The following SMTN variants were observed in gnomAD, a reference collection of about 807,000 sequenced individuals.
The protein encoded by SMTN is smoothelin.
In SMTN, 58 loss-of-function variants were observed where a neutral mutation model predicts 102.0. That is an observed-to-expected ratio of 0.57 (90% confidence interval 0.46 to 0.71). The LOEUF is 0.71. Among genes scored for constraint, SMTN ranks in the 30% least tolerant of loss-of-function variants. The pLI, the probability that SMTN is intolerant of heterozygous loss-of-function variation, is 0.00. For missense variants in SMTN, 1,185 were observed against 1,241.7 expected (o/e 0.95, Z 0.69); for synonymous variants, 478 against 497.9 (o/e 0.96, Z 0.53).
intron 17 of SMTN, 39 bp downstream of exon 17, chr22:31,098,879 C>A: frequency 6.7e-7 from 1 of 1,497,424 alleles, no homozygotes; most frequent in South Asian, 1.2e-5. Context: ...GGGGGCGGGG[C>A]GTGATAGGCA....
intron 1 of SMTN, among the ~76,000 whole-genome samples, chr22:31,071,239 CAAAA>C (rs60870558): frequency 2.1e-4 from 24 of 115,538 alleles, no homozygotes; most frequent in Non-Finnish European, 2.3e-4. Context: ...CACCCTGTCT[CAAAA>C]AAAAAAAAAA....
At chr22:31,076,963 G>A (rs144194228), upstream of SMTN, among the ~76,000 whole-genome samples, 1,267 of 152,272 alleles carry the variant, frequency 8.3e-3, 8 homozygotes, top group Non-Finnish European at 0.012. Flanking sequence ...GACCCTTCTT[G>A]TTACAGTTTT....
chr22:31,083,375 G>C, intron 2 of SMTN, 66 bp downstream of exon 2: 1 of 1,467,434 alleles, frequency 6.8e-7, no homozygotes, highest in Non-Finnish European at 9.1e-7. Flanking sequence ...GTCAATCCAG[G>C]GTACCTCTCA....
rs1334467518 is a variant in SMTN at position 31,098,680 on chromosome 22, G to C, written c.2173G>C (p.Glu725Gln). ...SKKMGSIFDREDQASPRAGSL... is the reference protein window; with the variant it reads ...SKKMGSIFDRQDQASPRAGSL... ...CCCAACCCCTAGCATCTTCGACCGC[G>C]AGGACCAGGCCAGCCCACGGGCCGG... is the stretch of plus-strand genomic sequence containing the variant. Residue 725 changes from glutamate (E) to glutamine (Q), a missense_variant, in exon 17 of 21, where the codon GAG becomes CAG. Coordinates refer to ENST00000333137, the MANE Select transcript of SMTN (RefSeq NM_134269.3). 2 of 1,613,258 alleles carry C rather than the reference G, an allele frequency of 1.2e-6. No homozygotes were observed. Among genetic ancestry groups the C allele is most frequent in the African/African-American group, 2.7e-5 (2 of 74,910 alleles).
At chr22:31,076,169 T>C (rs141315399) in intron 1 of SMTN, among the ~76,000 whole-genome samples, 21 of 152,312 alleles carry the variant, frequency 1.4e-4, no homozygotes, top group Non-Finnish European at 3.1e-4. Flanking sequence ...ACGTCTACAC[T>C]TGGCTCTGAG....
chr22:31,097,258 C>CT lies in SMTN; in HGVS notation c.2090-5dup, dbSNP rs2147776810. On this transcript the variant is annotated splice_polypyrimidine_tract_variant and intron_variant, in intron 15 of 20. Transcript: ENST00000333137. ...AGGCCCTCACCTGGTGCCCCTTCCC[C>CT]TTTTTTGCAGATGGCAGTGGCAGCA... is the stretch of plus-strand genomic sequence containing the variant. The CT allele has an allele frequency of 6.2e-7, 1 of 1,614,062 alleles. No homozygotes were observed. The highest frequency in any genetic ancestry group is 8.5e-7 in the Non-Finnish European group (1 of 1,179,928).
intron 2 of SMTN, among the ~76,000 whole-genome samples, chr22:31,086,220 T>G (rs904511214): frequency 6.6e-5 from 10 of 152,166 alleles, no homozygotes; most frequent in Non-Finnish European, 1.5e-4. Flanking sequence ...AGTGCCAGGA[T>G]CCCTGAGGTC....
At chr22:31,103,231 GAAT>G (rs1232157634) in intron 20 of SMTN, 1 of 152,218 alleles carries the variant, frequency 6.6e-6, no homozygotes, top group Non-Finnish European at 1.5e-5. Context: ...GGTGTCTTGA[GAAT>G]AAGGAGCAAT....
chr22:31,088,069 G>A lies in SMTN; in HGVS notation c.156G>A (p.Lys52=), dbSNP rs115471701. 739 of 1,610,376 alleles carry A rather than the reference G, an allele frequency of 4.6e-4. 1 individual carries two copies. The highest frequency in any genetic ancestry group is 6.6e-4 in the Middle Eastern group (4 of 6,054). The change falls in exon 3 of 21, where the codon AAG becomes AAA. Residue 52 remains lysine, a synonymous_variant. Coordinates refer to ENST00000333137, the MANE Select transcript of SMTN (RefSeq NM_134269.3). ...GCGAGGAGGAGGCCCTGGCATCCAA[G>A]CGTTTCCGTGCCGAGCGGCAGGACA... The part of the protein sequence containing the change: ...LEREEEALAS[K]RFRAERQDNK...
intron 20 of SMTN, chr22:31,103,907 G>GT: frequency 1.0e-5 from 2 of 197,740 alleles, no homozygotes; most frequent in Non-Finnish European, 2.1e-5. Context: ...AGATTGGCCA[G>GT]TGATGAAGCC....
intron 1 of SMTN, among the ~76,000 whole-genome samples, chr22:31,074,780 A>G (rs745845756): frequency 2.4e-4 from 37 of 151,636 alleles, no homozygotes; most frequent in Non-Finnish European, 3.8e-4. Context: ...CTGGGTGACA[A>G]GAGTGAAACT....
At chr22:31,096,608 C>G in intron 13 of SMTN, 125 bp from the exon 14 acceptor site, 3 of 1,013,292 alleles carry the variant, frequency 3.0e-6, no homozygotes, top group Non-Finnish European at 4.2e-6. Context: ...CCCTTGTTAC[C>G]TGTGTCATTC....
chr22:31,096,932 G>A (rs750745128), intron 14 of SMTN, 35 bp downstream of exon 14: 5 of 1,612,522 alleles, frequency 3.1e-6, no homozygotes, highest in Non-Finnish European at 4.2e-6. Flanking sequence ...CAGGGCTCAG[G>A]GTGGGAACAC....
intron 2 of SMTN, 21 bp downstream of exon 2, chr22:31,083,330 C>CT: frequency 6.5e-7 from 1 of 1,535,598 alleles, no homozygotes; most frequent in Non-Finnish European, 8.8e-7. Context: ...CCATCACCCA[C>CT]TGTGGGGACA....
At chr22:31,085,391 C>A (rs1006143456) in intron 2 of SMTN, 1 of 1,055,772 alleles carries the variant, frequency 9.5e-7, no homozygotes, top group Non-Finnish European at 1.3e-6. Context: ...GCCGGCGGGA[C>A]CCCCATGGGC....
chr22:31,098,737 G>C lies in SMTN; in HGVS notation c.2230G>C (p.Glu744Gln). The C allele has an allele frequency of 2.5e-6, 4 of 1,613,378 alleles. No individual in the cohort carries two copies. Among genetic ancestry groups the C allele is most frequent in the Non-Finnish European group, 2.5e-6 (3 of 1,179,910 alleles). ...GGCGGCGCTCGAGAAACGGCAGGCC[G>C]AGAAGAAGAAAGAGCTGATGAAGGC... Reference protein sequence around the residue: ...SLAALEKRQAEKKKELMKAQS... With the variant: ...SLAALEKRQAQKKKELMKAQS... The change falls in exon 17 of 21, where the codon GAG (glutamate) becomes CAG (glutamine). Residue 744 changes from glutamate to glutamine, a missense_variant. Physicochemically the swap from Glu to Gln is conservative, Grantham distance 29. Transcript: ENST00000333137.
chr22:31,085,090 G>T, intron 2 of SMTN: 1 of 1,534,686 alleles, frequency 6.5e-7, no homozygotes. Context: ...GAATGGGGAC[G>T]CCTGGGGACT....
rs1408325427 is a variant in SMTN at position 31,088,107 on chromosome 22, G to A, written c.194G>A (p.Trp65Ter). Residue 65 changes from tryptophan to a stop codon, truncating the protein, a stop_gained, in exon 3 of 21, where the codon TGG becomes TAG. Transcript: ENST00000333137. LOFTEE classifies it high-confidence loss of function. ...GAGCGGCAGGACAACAAGGAGAACT[G>A]GCTGCAGTGAGTAGCGGGGGGTGGA... is the stretch of plus-strand genomic sequence containing the variant. ...RAERQDNKEN[W>*]LHSQQREAEQ... 5.6e-6 allele frequency: 9 copies of A among 1,599,128 alleles called. No individual in the cohort carries two copies. The highest frequency in any genetic ancestry group is 7.7e-6 in the Non-Finnish European group (9 of 1,169,912).
chr22:31,077,369 G>A (rs1390378710), upstream of SMTN, among the ~76,000 whole-genome samples: 1 of 148,016 alleles, frequency 6.8e-6, no homozygotes, highest in Admixed American at 6.9e-5. Flanking sequence ...GACAGAGTGA[G>A]ACTCTGTCTC....
Sources: allele counts gnomAD v4.1 joint callset (sites outside exome capture counted in the v4.1 genomes callset), GRCh38; gene constraint gnomAD v4.1.1; transcripts MANE v1.5; gene names NCBI Gene and HGNC (gene_info 2026-07-23, HGNC 2026-07-21).